Variants in ANO6 observed in about 807,000 individuals in gnomAD.
ANO6 encodes the protein anoctamin-6.
A neutral mutation model predicts 117.5 loss-of-function variants in ANO6; 106 were observed. The ratio of observed to expected loss-of-function variants is 0.90; its 90% confidence interval spans 0.77 to 1.06. The LOEUF is 1.06. ANO6 is among the 50% of genes least tolerant of loss of function. The pLI is 0.00. For synonymous variants in ANO6, 367 were observed against 385.1 expected (o/e 0.95, Z 0.55); for missense variants, 955 against 1,121.1 (o/e 0.85, Z 2.12).
At chr12:45,349,264 T>C (rs1227480722) in intron 6 of ANO6, among the ~76,000 whole-genome samples, 1 of 152,224 alleles carries the variant, frequency 6.6e-6, no homozygotes, top group Non-Finnish European at 1.5e-5. Flanking sequence ...ATTTTCAAAC[T>C]GTCCCCTGGA....
At chr12:45,385,009 C>T (rs1478551351) in intron 10 of ANO6, among the ~76,000 whole-genome samples, 2 of 151,982 alleles carry the variant, frequency 1.3e-5, no homozygotes, top group Non-Finnish European at 2.9e-5. Flanking sequence ...TTGGAGTCAG[C>T]TGGGACCTCT....
chr12:45,398,090 T>C (rs1355672602), intron 12 of ANO6, among the ~76,000 whole-genome samples: 2 of 152,340 alleles, frequency 1.3e-5, no homozygotes, highest in Admixed American at 1.3e-4. Flanking sequence ...TAAATATTTC[T>C]ATACATCAAA....
intron 1 of ANO6, among the ~76,000 whole-genome samples, chr12:45,232,370 A>G (rs953269673): frequency 2.6e-5 from 4 of 152,206 alleles, no homozygotes; most frequent in African/African-American, 9.6e-5. Context: ...AGGGAAGACA[A>G]ACATACCAAC....
chr12:45,287,499 T>C (rs933056892), intron 1 of ANO6, among the ~76,000 whole-genome samples: 6 of 152,206 alleles, frequency 3.9e-5, no homozygotes, highest in Non-Finnish European at 8.8e-5. Context: ...CTGGAATCTA[T>C]TGCACGCTCT....
chr12:45,333,748 T>C (rs1940743037), intron 3 of ANO6, among the ~76,000 whole-genome samples: 1 of 152,072 alleles, frequency 6.6e-6, no homozygotes, highest in Admixed American at 6.6e-5. Context: ...AGCTTAACTT[T>C]GGAATCATGT....
chr12:45,340,990 T>C (rs1913695), intron 3 of ANO6, among the ~76,000 whole-genome samples: 57,191 of 152,062 alleles, frequency 0.38, 13,105 homozygotes, highest in Non-Finnish European at 0.51. Flanking sequence ...TGAATTGCCA[T>C]GCCAAAAGAA....
intron 1 of ANO6, among the ~76,000 whole-genome samples, chr12:45,253,033 G>C (rs376993782): frequency 1.3e-5 from 2 of 152,252 alleles, no homozygotes; most frequent in East Asian, 3.9e-4. Flanking sequence ...CTTACTCTCT[G>C]TAGATACTGG....
chr12:45,251,297 A>G (rs1265951448), intron 1 of ANO6, among the ~76,000 whole-genome samples: 1 of 152,222 alleles, frequency 6.6e-6, no homozygotes, highest in African/African-American at 2.4e-5. Flanking sequence ...AGTCTCTTCC[A>G]AATTCTTGAT....
intron 8 of ANO6, among the ~76,000 whole-genome samples, chr12:45,360,139 A>G (rs1941516801): frequency 6.6e-6 from 1 of 152,148 alleles, no homozygotes; most frequent in South Asian, 2.1e-4. Context: ...AGCATTTTTT[A>G]TATATTTGGG....
At chr12:45,360,687 A>G (rs1941532564) in intron 8 of ANO6, among the ~76,000 whole-genome samples, 1 of 152,202 alleles carries the variant, frequency 6.6e-6, no homozygotes. Context: ...TTCGTAATCC[A>G]AAGTCATAAA....
chr12:45,300,471 C>T (rs185703576), intron 1 of ANO6, among the ~76,000 whole-genome samples: 18 of 152,280 alleles, frequency 1.2e-4, no homozygotes, highest in African/African-American at 4.3e-4. Flanking sequence ...AGTTATCATG[C>T]CCAGCCAAAA....
At chr12:45,326,709 A>G (rs1361840698) in intron 2 of ANO6, among the ~76,000 whole-genome samples, 1 of 152,138 alleles carries the variant, frequency 6.6e-6, no homozygotes, top group African/African-American at 2.4e-5. Flanking sequence ...TTTGTTTTTC[A>G]TGACCACAAC....
At position 45,429,438 on chromosome 12, in the gene ANO6, A is replaced by G. The variant is rs980695191; in HGVS notation, c.*127A>G. ...GAGTCTCAACTATTGCCATTTCCTC[A>G]TGTATTATTTTTCAGTTTCAGCTAG... is the stretch of plus-strand genomic sequence containing the variant. On this transcript the variant is annotated 3_prime_UTR_variant, in exon 20 of 20. Transcript: ENST00000320560. 1 of 1,500,772 alleles carries G rather than the reference A, an allele frequency of 6.7e-7. No individual in the cohort carries two copies. The highest frequency in any genetic ancestry group is 8.8e-7 in the Non-Finnish European group (1 of 1,130,582). 93.0% of individuals were successfully genotyped at this position (1,500,772 alleles called of 1,614,324 possible). A position where few individuals can be genotyped will look rare whatever the true frequency, so the allele number is the denominator to read the frequency against.
chr12:45,260,189 C>G (rs989486825), intron 1 of ANO6, among the ~76,000 whole-genome samples: 42 of 152,152 alleles, frequency 2.8e-4, no homozygotes, highest in African/African-American at 9.4e-4. Flanking sequence ...AGTTTTATAG[C>G]CCAAAGGTAG....
At chr12:45,405,048 T>C (rs954937652) in intron 15 of ANO6, among the ~76,000 whole-genome samples, 1 of 152,092 alleles carries the variant, frequency 6.6e-6, no homozygotes, top group African/African-American at 2.4e-5. Context: ...TCTCTCTCCT[T>C]CCTCTTCCCC....
At chr12:45,270,644 GATA>G (rs1938365706) in intron 1 of ANO6, 1 of 449,418 alleles carries the variant, frequency 2.2e-6, no homozygotes, top group South Asian at 5.8e-5. Context: ...TGGGGTTTCA[GATA>G]ATATTTGTTG....
intron 10 of ANO6, among the ~76,000 whole-genome samples, chr12:45,381,735 C>T (rs1020033880): frequency 1.3e-5 from 2 of 152,174 alleles, no homozygotes; most frequent in Non-Finnish European, 2.9e-5. Context: ...GGCAGAACTG[C>T]TTCCTATAGT....
At chr12:45,216,479 C>A in intron 1 of ANO6, 88 bp downstream of exon 1, 1 of 1,466,476 alleles carries the variant, frequency 6.8e-7, no homozygotes, top group South Asian at 1.2e-5. Flanking sequence ...CTGTGCTCTC[C>A]GCGGGGGAGG....
chr12:45,360,278 A>G (rs1341019783), intron 8 of ANO6, among the ~76,000 whole-genome samples: 1 of 152,222 alleles, frequency 6.6e-6, no homozygotes, highest in Non-Finnish European at 1.5e-5. Context: ...TTCCAAGATC[A>G]AGTTGCCGAC....
Sources: gnomAD v4.1 joint callset for allele counts (sites outside exome capture counted in the v4.1 genomes callset) on GRCh38, gnomAD v4.1.1 for gene constraint, MANE v1.5 for transcripts, NCBI Gene and HGNC (gene_info 2026-07-23, HGNC 2026-07-21) for gene names.